KCNT1: variants seen among roughly 807,000 people sequenced by gnomAD.
KCNT1 encodes the protein potassium sodium-activated channel subfamily T member 1.
A neutral mutation model predicts 147.8 loss-of-function variants in KCNT1; 78 were observed. That is an observed-to-expected ratio of 0.53 (90% CI 0.44 to 0.64). The LOEUF (loss-of-function observed/expected upper bound fraction) is 0.64. Among genes scored for constraint, KCNT1 ranks in the 30% least tolerant of loss-of-function variants. The pLI is 0.00. For missense variants in KCNT1, 1,419 were observed against 1,750.3 expected (o/e 0.81, Z 3.38); for synonymous variants, 867 against 748.8 (o/e 1.16, Z -2.58).
At chr9:135,734,935 G>A (rs1022355565) in intron 2 of KCNT1, among the ~76,000 whole-genome samples, 2 of 152,158 alleles carry the variant, frequency 1.3e-5, no homozygotes, top group Non-Finnish European at 2.9e-5. Context: ...GGGGTGGTGC[G>A]GGGCTCCGCC....
rs76154178 is a variant in KCNT1, at chr9:135,776,360, G to A, written c.2349+945G>A. On this transcript the variant is annotated intron_variant, in intron 20 of 30. Transcript: ENST00000371757. ...ACAGCCTCCACCTCCCAGGCTCAAG[G>A]GGTCCTCCCACCTCAGCCTCCCAAG... Among the ~76,000 whole-genome samples the A allele has an allele frequency of 5.3e-5, 8 of 152,096 alleles. No homozygotes were observed. The East Asian group carries it at 9.7e-4, about 18-fold the overall frequency.
At chr9:135,751,419 CCCTA>C (rs760266533) in intron 4 of KCNT1, among the ~76,000 whole-genome samples, 2 of 152,032 alleles carry the variant, frequency 1.3e-5, no homozygotes, top group East Asian at 1.9e-4. Context: ...TGGGGAAAGC[CCCTA>C]CCTGTTTCTG....
At chr9:135,789,938 T>C (rs983009871) in intron 29 of KCNT1, 7 of 152,172 alleles carry the variant, frequency 4.6e-5, no homozygotes, top group African/African-American at 1.4e-4. Flanking sequence ...ACCAGTGCCA[T>C]GTGACTGACC....
At chr9:135,758,593 C>G in intron 10 of KCNT1, 85 bp downstream of exon 10, 1 of 1,094,456 alleles carries the variant, frequency 9.1e-7, no homozygotes, top group Non-Finnish European at 1.4e-6. Flanking sequence ...GATACAGATG[C>G]CTATGTCCAA....
Position 135,731,332 on chromosome 9 carries a change from C to T in KCNT1, c.254+16612C>T, listed in dbSNP as rs1234146878. Reference sequence around the variant, plus strand: ...TGTCTTCATTTTGGATCACAGTGTCCTGCATACCCACAATGTTACTAATTT... The same window carrying T: ...TGTCTTCATTTTGGATCACAGTGTCTTGCATACCCACAATGTTACTAATTT... On this transcript the variant is annotated intron_variant, in intron 2 of 30. Coordinates refer to ENST00000371757, the MANE Select transcript of KCNT1 (RefSeq NM_020822.3). Among the ~76,000 whole-genome samples, 11 of 152,326 alleles carry T rather than the reference C, an allele frequency of 7.2e-5. No individual in the cohort carries two copies. The East Asian group carries it at 2.1e-3, about 29-fold the overall frequency.
intron 11 of KCNT1, 116 bp from the exon 12 acceptor site, chr9:135,764,915 G>A (rs542193067): frequency 2.3e-5 from 26 of 1,116,230 alleles, no homozygotes; most frequent in Middle Eastern, 2.2e-4. Flanking sequence ...GTCACCCCCC[G>A]GCCGGCCCTG....
chr9:135,759,931 C>A (rs1831801121), intron 11 of KCNT1, 72 bp downstream of exon 11: 2 of 1,413,628 alleles, frequency 1.4e-6, no homozygotes, highest in African/African-American at 2.9e-5. Context: ...AGGGAGGGTG[C>A]CACTGAGGCT....
intron 29 of KCNT1, chr9:135,789,026 A>C (rs990501624): frequency 1.3e-5 from 2 of 150,776 alleles, no homozygotes; most frequent in African/African-American, 4.8e-5. Flanking sequence ...GGGCAGCCAC[A>C]GAAGTAAAGC....
intron 2 of KCNT1, among the ~76,000 whole-genome samples, chr9:135,725,378 C>T (rs775067870): frequency 2.6e-5 from 4 of 152,310 alleles, no homozygotes; most frequent in Middle Eastern, 3.4e-3. Context: ...GGCTCAGATC[C>T]AGTGACTTAT....
intron 27 of KCNT1, 32 bp downstream of exon 27, chr9:135,784,921 G>A (rs1424925681): frequency 1.2e-6 from 2 of 1,607,120 alleles, no homozygotes; most frequent in African/African-American, 1.3e-5. Context: ...TGGGACTGTG[G>A]CAGCCCCTGT....
intron 23 of KCNT1, among the ~76,000 whole-genome samples, 179 bp downstream of exon 23, chr9:135,779,001 C>T (rs1013109280): frequency 4.1e-5 from 6 of 146,226 alleles, no homozygotes; most frequent in Non-Finnish European, 9.0e-5. Context: ...GCCCTGAGAC[C>T]CCCACAGCTA....
chr9:135,722,288 C>A (rs1835956800), intron 2 of KCNT1, among the ~76,000 whole-genome samples: 1 of 152,226 alleles, frequency 6.6e-6, no homozygotes, highest in Admixed American at 6.5e-5. Flanking sequence ...ATCCCCCGTC[C>A]CACCCCTGGG....
intron 29 of KCNT1, among the ~76,000 whole-genome samples, chr9:135,787,298 T>G (rs558315885): frequency 8.7e-4 from 133 of 152,312 alleles, no homozygotes; most frequent in African/African-American, 3.1e-3. Flanking sequence ...ATGCCCTGCC[T>G]GGCGTGGAGA....
chr9:135,774,286 T>TTG lies in KCNT1; in HGVS notation c.2244-1017_2244-1016dup, dbSNP rs564839556. 7.5e-4 allele frequency among the ~76,000 whole-genome samples: 110 copies of TTG among 145,808 alleles called. No homozygotes were observed. In the East Asian group the frequency reaches 0.021, roughly 27 times the overall value. On this transcript the variant is annotated intron_variant, in intron 19 of 30. Coordinates refer to ENST00000371757, the MANE Select transcript of KCNT1 (RefSeq NM_020822.3). ...TGGTGTCTGTTGTGTGTGTGGTGTG[T>TTG]TGTGTGTGGTGTGTGTGTCTGTGTG...
chr9:135,783,003 G>A lies in KCNT1; in HGVS notation c.2842-1021G>A, dbSNP rs1398518478. ...CCTGTCGCTGTCGTGTCTTTTACCTGTGAATCGAGTTCTGGTTCCGGGGGG... is the reference window on the plus strand; with the variant it reads ...CCTGTCGCTGTCGTGTCTTTTACCTATGAATCGAGTTCTGGTTCCGGGGGG... On this transcript the variant is annotated intron_variant, in intron 24 of 30. Transcript: ENST00000371757. Among the ~76,000 whole-genome samples, 7 of 152,336 alleles carry A rather than the reference G, an allele frequency of 4.6e-5. No homozygotes were observed. The East Asian group carries it at 1.4e-3, about 29-fold the overall frequency.
At chr9:135,773,867 C>T (rs1832923078) in intron 19 of KCNT1, among the ~76,000 whole-genome samples, 1 of 152,216 alleles carries the variant, frequency 6.6e-6, no homozygotes, top group Non-Finnish European at 1.5e-5. Flanking sequence ...AGCCCAAGGC[C>T]AGAGTGCCTG....
chr9:135,763,773 T>C (rs1832070143), intron 11 of KCNT1, among the ~76,000 whole-genome samples: 1 of 152,072 alleles, frequency 6.6e-6, no homozygotes, highest in Admixed American at 6.6e-5. Context: ...CATGGCGAGG[T>C]TCTGGGCAGA....
rs118130757 is a variant in KCNT1, at chr9:135,738,260, C to T, written c.255-11838C>T. Among the ~76,000 whole-genome samples the T allele has an allele frequency of 5.3e-3, 810 of 152,306 alleles. 37 individuals are homozygous for T. The East Asian group carries it at 0.098, about 18-fold the overall frequency. ...CACATGGGTGGCCTCGCTCATCCCC[C>T]GGCAGCCCCTGAGGTGCAGAGTCCT... On this transcript the variant is annotated intron_variant, in intron 2 of 30. Transcript: ENST00000371757.
chr9:135,786,565 G>T, intron 29 of KCNT1, 44 bp downstream of exon 29: 1 of 1,504,102 alleles, frequency 6.6e-7, no homozygotes, highest in Admixed American at 2.5e-5. Context: ...GACGGACTGG[G>T]CCAGGGTCGG....
Sources: allele counts gnomAD v4.1 joint callset (sites outside exome capture counted in the v4.1 genomes callset), GRCh38; gene constraint gnomAD v4.1.1; transcripts MANE v1.5; gene names NCBI Gene and HGNC (gene_info 2026-07-23, HGNC 2026-07-21).